CTNNA2: variants seen among roughly 807,000 people sequenced by gnomAD.
CTNNA2 encodes the protein catenin alpha 2.
CTNNA2 carries 42 observed loss-of-function variants against 101.0 expected under a neutral mutation model. The observed-to-expected ratio is 0.42, with a 90% confidence interval of 0.32 to 0.54. The LOEUF is 0.54. Ranked by LOEUF, CTNNA2 falls within the 20% of genes least tolerant of loss-of-function variation. The pLI, the probability that CTNNA2 is intolerant of heterozygous loss-of-function variation, is 0.14. For synonymous variants in CTNNA2, 450 were observed against 456.4 expected, an observed-to-expected ratio of 0.99 and a Z score of 0.18; for missense variants, 871 against 1,223.1, an observed-to-expected ratio of 0.71 and a Z score of 4.29.
chr2:80,452,553 G>A (rs1390710792), intron 9 of CTNNA2, among the ~76,000 whole-genome samples: 3 of 151,492 alleles, frequency 2.0e-5, no homozygotes, highest in Non-Finnish European at 4.4e-5. Context: ...TTCTAACGCC[G>A]CTGACAAACT....
chr2:80,173,565 C>T (rs1349405472), intron 7 of CTNNA2, among the ~76,000 whole-genome samples: 2 of 152,182 alleles, frequency 1.3e-5, no homozygotes, highest in African/African-American at 4.8e-5. Flanking sequence ...AAGGGACCTT[C>T]TCTCCAAAGC....
At chr2:79,595,072 TTC>T (rs1374286763) in intron 1 of CTNNA2, among the ~76,000 whole-genome samples, 1 of 152,130 alleles carries the variant, frequency 6.6e-6, no homozygotes, top group Non-Finnish European at 1.5e-5. Flanking sequence ...AGGATTTGCT[TTC>T]TCTCTTTAGT....
intron 2 of CTNNA2, 73 bp from the exon 3 acceptor site, chr2:79,744,314 G>A (rs1355031840): frequency 7.1e-7 from 1 of 1,403,092 alleles, no homozygotes; most frequent in East Asian, 2.3e-5. Context: ...CGGAGATTTA[G>A]AAATTATGAG....
At chr2:80,446,669 C>T (rs987469990) in intron 9 of CTNNA2, among the ~76,000 whole-genome samples, 1 of 152,130 alleles carries the variant, frequency 6.6e-6, no homozygotes, top group African/African-American at 2.4e-5. Context: ...GAAAGGATGT[C>T]ACCCAGACTT....
intron 12 of CTNNA2, among the ~76,000 whole-genome samples, chr2:80,559,891 T>TATACACACACACACAC (rs1553387588): frequency 6.8e-6 from 1 of 146,818 alleles, no homozygotes; most frequent in African/African-American, 2.6e-5. Context: ...TATATATATA[T>TATACACACACACACAC]ACACACACAT....
intron 4 of CTNNA2, among the ~76,000 whole-genome samples, chr2:79,397,364 A>G (rs182065490): frequency 7.2e-5 from 11 of 152,174 alleles, no homozygotes; most frequent in Admixed American, 7.2e-4. Context: ...TTCTCTTCAT[A>G]TACCCACCCT....
chr2:80,406,426 T>C (rs571335261), intron 8 of CTNNA2, among the ~76,000 whole-genome samples: 2 of 151,626 alleles, frequency 1.3e-5, no homozygotes, highest in South Asian at 4.2e-4. Context: ...CAGGGAGAAG[T>C]CAGCACTAAT....
intron 1 of CTNNA2, among the ~76,000 whole-genome samples, chr2:79,545,583 G>A (rs922542415): frequency 6.6e-6 from 1 of 152,090 alleles, no homozygotes; most frequent in Non-Finnish European, 1.5e-5. Context: ...ATGATAAAAT[G>A]ATGAAAACAC....
chr2:80,627,836 T>G (rs1420184142), intron 18 of CTNNA2, among the ~76,000 whole-genome samples: 1 of 152,138 alleles, frequency 6.6e-6, no homozygotes, highest in Non-Finnish European at 1.5e-5. Context: ...TTTTTATGAT[T>G]TTTAAGTCCT....
chr2:79,623,693 A>G (rs1679132169), intron 1 of CTNNA2, among the ~76,000 whole-genome samples: 1 of 152,184 alleles, frequency 6.6e-6, no homozygotes, highest in Admixed American at 6.5e-5. Flanking sequence ...ATTTTAAGAA[A>G]GCATGCAACA....
intron 7 of CTNNA2, among the ~76,000 whole-genome samples, chr2:80,056,769 GC>G (rs903380675): frequency 3.3e-5 from 5 of 152,280 alleles, no homozygotes; most frequent in Middle Eastern, 3.4e-3. Context: ...ACATGGAAAG[GC>G]AAGTGTCTCA....
chr2:79,255,547 AG>A (rs1383031310), intron 2 of CTNNA2, among the ~76,000 whole-genome samples: 1 of 152,188 alleles, frequency 6.6e-6, no homozygotes, highest in African/African-American at 2.4e-5. Flanking sequence ...AATGGCACAA[AG>A]AAAGGATAGT....
chr2:79,279,066 G>T (rs1480825375), intron 2 of CTNNA2, among the ~76,000 whole-genome samples: 1 of 152,116 alleles, frequency 6.6e-6, no homozygotes, highest in Non-Finnish European at 1.5e-5. Context: ...ATAAGCATTT[G>T]TTGTGAACCT....
intron 2 of CTNNA2, among the ~76,000 whole-genome samples, chr2:79,656,243 AG>A (rs1171533020): frequency 6.6e-6 from 1 of 152,186 alleles, no homozygotes; most frequent in Non-Finnish European, 1.5e-5. Context: ...GACCCTTAAA[AG>A]ACTTATGAAT....
intron 2 of CTNNA2, among the ~76,000 whole-genome samples, chr2:79,300,860 T>G (rs1446779800): frequency 6.6e-6 from 1 of 152,156 alleles, no homozygotes; most frequent in Non-Finnish European, 1.5e-5. Context: ...CTAAAATCAT[T>G]TGGTGACTCT....
At chr2:80,469,963 C>A (rs973595909) in intron 9 of CTNNA2, among the ~76,000 whole-genome samples, 1 of 152,132 alleles carries the variant, frequency 6.6e-6, no homozygotes, top group Non-Finnish European at 1.5e-5. Context: ...GGGGCAATAG[C>A]AATATAACCC....
intron 7 of CTNNA2, among the ~76,000 whole-genome samples, chr2:80,129,374 AGCTGTCAGTCAACT>A (rs1702297137): frequency 6.6e-6 from 1 of 152,162 alleles, no homozygotes; most frequent in Non-Finnish European, 1.5e-5. Flanking sequence ...AGCGAGTTAA[AGCTGTCAGTCAACT>A]GCTCTTCACA....
At chr2:80,328,180 G>A in intron 7 of CTNNA2, 1 of 434,952 alleles carries the variant, frequency 2.3e-6, no homozygotes, top group East Asian at 7.1e-5. Context: ...TCTAATCCCA[G>A]CAATCAGAGA....
At chr2:79,976,074 A>G (rs1046632310) in intron 7 of CTNNA2, among the ~76,000 whole-genome samples, 3 of 152,170 alleles carry the variant, frequency 2.0e-5, no homozygotes, top group Non-Finnish European at 2.9e-5. Flanking sequence ...TTAACATACA[A>G]TAGACACTCA....
Sources: allele counts gnomAD v4.1 joint callset (sites outside exome capture counted in the v4.1 genomes callset), GRCh38; gene constraint gnomAD v4.1.1; transcripts MANE v1.5; gene names NCBI Gene and HGNC (gene_info 2026-07-23, HGNC 2026-07-21).